Variants in BCKDHB observed in about 807,000 individuals in gnomAD.
The protein encoded by BCKDHB is 2-oxoisovalerate dehydrogenase subunit beta, mitochondrial.
A neutral mutation model predicts 48.5 loss-of-function variants in BCKDHB; 41 were observed. The observed-to-expected ratio is 0.85, with a 90% CI of 0.66 to 1.10. BCKDHB has a LOEUF of 1.10. BCKDHB is among the 50% of genes least tolerant of loss of function. BCKDHB has a pLI of 0.00. For missense variants in BCKDHB, 496 were observed against 494.2 expected (o/e 1.00, Z -0.03); for synonymous variants, 201 against 174.8 (o/e 1.15, Z -1.18).
intron 6 of BCKDHB, among the ~76,000 whole-genome samples, chr6:80,192,822 CTTT>C (rs11415441): frequency 6.9e-6 from 1 of 145,226 alleles, no homozygotes; most frequent in Admixed American, 6.9e-5. Flanking sequence ...TATTTGCCAA[CTTT>C]TTTTTTTTTT....
intron 7 of BCKDHB, among the ~76,000 whole-genome samples, 175 bp downstream of exon 7, chr6:80,201,206 T>C (rs1774379798): frequency 6.6e-6 from 1 of 152,222 alleles, no homozygotes; most frequent in Non-Finnish European, 1.5e-5. Flanking sequence ...AATTGACAAA[T>C]GAAATTATAT....
the BCKDHB span, among the ~76,000 whole-genome samples, chr6:80,394,439 TG>T: frequency 3.6e-4 from 55 of 152,126 alleles, no homozygotes; most frequent in East Asian, 7.5e-3. Context: ...TCTGAGTTAT[TG>T]TTTTTTTTTT....
chr6:80,409,534 A>G, the BCKDHB span, among the ~76,000 whole-genome samples: 84 of 129,450 alleles, frequency 6.5e-4, 1 homozygote, highest in African/African-American at 2.2e-3. Context: ...GTAGGTCTCT[A>G]AGGACTTGCT....
chr6:80,313,147 C>T (rs1031815299), intron 9 of BCKDHB, among the ~76,000 whole-genome samples: 1 of 152,056 alleles, frequency 6.6e-6, no homozygotes, highest in Non-Finnish European at 1.5e-5. Context: ...CTTCCTGGTT[C>T]AGTCTTGGGA....
At chr6:80,251,724 GT>G (rs1471044779) in intron 8 of BCKDHB, 2 of 152,144 alleles carry the variant, frequency 1.3e-5, no homozygotes, top group African/African-American at 4.8e-5. Context: ...ATTTCTGTTT[GT>G]GTATGGTATT....
chr6:80,315,946 TAG>T (rs1027523092), intron 9 of BCKDHB, among the ~76,000 whole-genome samples: 1 of 152,226 alleles, frequency 6.6e-6, no homozygotes, highest in Non-Finnish European at 1.5e-5. Context: ...CACCGCAATT[TAG>T]AGTATTAACT....
intron 9 of BCKDHB, among the ~76,000 whole-genome samples, chr6:80,306,042 C>T (rs1003452650): frequency 6.6e-6 from 1 of 152,130 alleles, no homozygotes; most frequent in African/African-American, 2.4e-5. Flanking sequence ...GTACTTCTTC[C>T]ATATGGCTAT....
At chr6:80,124,315 A>T (rs1404953451) in intron 1 of BCKDHB, among the ~76,000 whole-genome samples, 1 of 152,178 alleles carries the variant, frequency 6.6e-6, no homozygotes, top group African/African-American at 2.4e-5. Flanking sequence ...ACTTCCAGTT[A>T]TGTGGTCAAT....
At chr6:80,139,653 A>G (rs892761585) in intron 3 of BCKDHB, among the ~76,000 whole-genome samples, 2 of 151,928 alleles carry the variant, frequency 1.3e-5, no homozygotes, top group African/African-American at 2.4e-5. Context: ...GTTCTGTTCC[A>G]TTGATCTATG....
At chr6:80,212,225 A>C (rs1290461867) in intron 8 of BCKDHB, among the ~76,000 whole-genome samples, 1 of 152,118 alleles carries the variant, frequency 6.6e-6, no homozygotes, top group Non-Finnish European at 1.5e-5. Context: ...CCCCACCCTG[A>C]TAAGCCTGAG....
intron 8 of BCKDHB, among the ~76,000 whole-genome samples, chr6:80,230,416 TGAA>T (rs900453949): frequency 1.3e-5 from 2 of 152,056 alleles, no homozygotes; most frequent in African/African-American, 4.8e-5. Flanking sequence ...AAAAAAACAG[TGAA>T]GAAGATTTTC....
chr6:80,228,142 G>A (rs888486406), intron 8 of BCKDHB, among the ~76,000 whole-genome samples: 1 of 152,224 alleles, frequency 6.6e-6, no homozygotes, highest in Admixed American at 6.5e-5. Context: ...TTTGGGAAAT[G>A]CCTGGATGGA....
chr6:80,410,066 T>C, the BCKDHB span, among the ~76,000 whole-genome samples: 12 of 152,272 alleles, frequency 7.9e-5, no homozygotes, highest in Non-Finnish European at 1.3e-4. Context: ...ATTTGGCATG[T>C]TTTTGCAGTT....
intron 6 of BCKDHB, among the ~76,000 whole-genome samples, chr6:80,182,621 C>G (rs966612383): frequency 2.0e-5 from 3 of 152,100 alleles, no homozygotes; most frequent in African/African-American, 7.2e-5. Flanking sequence ...ACTTTGAACT[C>G]CTTTCCTTAA....
At chr6:80,228,394 A>T (rs1035198917) in intron 8 of BCKDHB, among the ~76,000 whole-genome samples, 1 of 152,210 alleles carries the variant, frequency 6.6e-6, no homozygotes, top group Admixed American at 6.5e-5. Context: ...AAGTGTGGGG[A>T]CATCTCCCTG....
intron 5 of BCKDHB, among the ~76,000 whole-genome samples, chr6:80,169,574 C>T (rs1056988291): frequency 6.6e-6 from 1 of 151,898 alleles, no homozygotes; most frequent in African/African-American, 2.4e-5. Context: ...TTTTTATAAC[C>T]TGTCTTTCAC....
At chr6:80,210,817 T>G (rs1322785676) in intron 8 of BCKDHB, among the ~76,000 whole-genome samples, 1 of 152,084 alleles carries the variant, frequency 6.6e-6, no homozygotes, top group Non-Finnish European at 1.5e-5. Context: ...GGCTGTTCTC[T>G]CTCAAGCCTT....
At chr6:80,439,389 C>A in the BCKDHB span, among the ~76,000 whole-genome samples, 1 of 152,064 alleles carries the variant, frequency 6.6e-6, no homozygotes, top group Non-Finnish European at 1.5e-5. Context: ...ATTCAAAAGG[C>A]AATGTTTATA....
chr6:80,430,909 G>A, the BCKDHB span, among the ~76,000 whole-genome samples: 5 of 152,238 alleles, frequency 3.3e-5, no homozygotes, highest in African/African-American at 1.2e-4. Context: ...CAATTTTGGT[G>A]TTAGGGTGTA....
Sources: gnomAD v4.1 joint callset for allele counts (sites outside exome capture counted in the v4.1 genomes callset) on GRCh38, gnomAD v4.1.1 for gene constraint, MANE v1.5 for transcripts, NCBI Gene and HGNC (gene_info 2026-07-23, HGNC 2026-07-21) for gene names.